Variants in XKR6 observed in about 807,000 individuals in gnomAD.
XKR6 encodes XK related 6.
In XKR6, 22 loss-of-function variants were observed where a neutral mutation model predicts 56.7. That is an observed-to-expected ratio of 0.39 (90% CI 0.28 to 0.55). The LOEUF is 0.55. Among genes scored for constraint, XKR6 ranks in the 20% least tolerant of loss-of-function variants. The pLI, the probability that XKR6 is intolerant of heterozygous loss-of-function variation, is 0.66. For missense variants in XKR6, 852 were observed against 889.0 expected (o/e 0.96, Z 0.53); for synonymous variants, 524 against 387.8 (o/e 1.35, Z -4.13).
At chr8:11,044,667 G>A (rs1439075697) in intron 1 of XKR6, among the ~76,000 whole-genome samples, 1 of 150,720 alleles carries the variant, frequency 6.6e-6, no homozygotes, top group Non-Finnish European at 1.5e-5. Context: ...CACCTAGGCT[G>A]GAGTGCAATA....
chr8:11,037,439 G>A (rs1324716754), intron 1 of XKR6, among the ~76,000 whole-genome samples: 1 of 152,154 alleles, frequency 6.6e-6, no homozygotes, highest in African/African-American at 2.4e-5. Flanking sequence ...TGTCCAGGCT[G>A]GTCTCCAATT....
At chr8:11,003,646 T>C (rs1335132931) in intron 1 of XKR6, among the ~76,000 whole-genome samples, 1 of 152,224 alleles carries the variant, frequency 6.6e-6, no homozygotes, top group Admixed American at 6.5e-5. Flanking sequence ...AAAGTGAGGC[T>C]CAGAGAAGCC....
chr8:11,200,683 G>A lies in XKR6; in HGVS notation c.657C>T (p.Gly219=). 1 of 1,566,578 alleles carries A rather than the reference G, an allele frequency of 6.4e-7. No individual in the cohort carries two copies. Among genetic ancestry groups the A allele is most frequent in the Non-Finnish European group, 8.6e-7 (1 of 1,165,390 alleles). Residue 219 remains glycine, a synonymous_variant, in exon 1 of 3, where the codon GGC becomes GGT. Coordinates refer to ENST00000416569, the MANE Select transcript of XKR6 (RefSeq NM_173683.4). This position sits in a 1 kb window ranked among gnomAD's most constrained non-coding sequence, Gnocchi z 6.4. The part of the protein sequence containing the change: ...AGYVHGAARG[G]PGVRVSPTPG... ...GCGTGGGGGAGACCCTCACGCCTGG[G>A]CCACCGCGGGCCGCGCCGTGGACGT...
Position 10,999,142 on chromosome 8 carries a change from A to C in XKR6, c.765-74312T>G, listed in dbSNP as rs144367806. ...TTTCAAATCCATCAAGCATGCATTA[A>C]TATCAGGACAGGGATTTCAGTCCTA... On this transcript the variant is annotated intron_variant, in intron 1 of 2. Transcript: ENST00000416569. 4.4e-3 allele frequency among the ~76,000 whole-genome samples: 666 copies of C among 152,356 alleles called. 3 individuals are homozygous for C. Among genetic ancestry groups the C allele is most frequent in the African/African-American group, 0.015 (624 of 41,584 alleles).
intron 1 of XKR6, among the ~76,000 whole-genome samples, chr8:11,146,252 G>A (rs538340925): frequency 2.6e-5 from 4 of 152,302 alleles, no homozygotes; most frequent in Non-Finnish European, 5.9e-5. Flanking sequence ...ACAGGTAGAA[G>A]AAAATTATAG....
At chr8:11,035,317 G>A in intron 1 of XKR6, 1 of 534,808 alleles carries the variant, frequency 1.9e-6, no homozygotes, top group Non-Finnish European at 3.8e-6. Context: ...TTCCTGCGTT[G>A]TGGCAGCTTG....
intron 1 of XKR6, among the ~76,000 whole-genome samples, chr8:11,145,425 C>T (rs1021848189): frequency 7.2e-5 from 11 of 152,202 alleles, no homozygotes; most frequent in Non-Finnish European, 1.5e-4. Context: ...CATCAAAGTA[C>T]ATTGTTATAA....
intron 1 of XKR6, among the ~76,000 whole-genome samples, chr8:11,113,446 T>G (rs999693757): frequency 2.0e-5 from 3 of 152,204 alleles, no homozygotes; most frequent in Non-Finnish European, 4.4e-5. Flanking sequence ...AACCAAAAAA[T>G]ATATTTGAAC....
chr8:10,925,034 A>C (rs1047646836), intron 1 of XKR6, among the ~76,000 whole-genome samples: 9 of 152,126 alleles, frequency 5.9e-5, no homozygotes, highest in African/African-American at 2.2e-4. Flanking sequence ...GGGGCAGGTC[A>C]GGAAAGGATT....
At chr8:11,065,301 T>C (rs773334709) in intron 1 of XKR6, among the ~76,000 whole-genome samples, 2 of 152,236 alleles carry the variant, frequency 1.3e-5, no homozygotes, top group Non-Finnish European at 2.9e-5. Flanking sequence ...TGAGAGGAAG[T>C]TGTCTTATGG....
At chr8:11,156,165 C>T (rs1031179153) in intron 1 of XKR6, among the ~76,000 whole-genome samples, 3 of 152,350 alleles carry the variant, frequency 2.0e-5, no homozygotes, top group Admixed American at 6.5e-5. Context: ...TCCCTCTTCA[C>T]CTTTTACTGT....
At chr8:10,985,490 C>T (rs544070749) in intron 1 of XKR6, among the ~76,000 whole-genome samples, 37 of 151,908 alleles carry the variant, frequency 2.4e-4, no homozygotes, top group East Asian at 1.4e-3. Context: ...AATTCTAAAG[C>T]TTGTTCCCTT....
chr8:11,080,467 T>A (rs1200069827), intron 1 of XKR6, among the ~76,000 whole-genome samples: 5 of 152,232 alleles, frequency 3.3e-5, no homozygotes, highest in Admixed American at 2.6e-4. Flanking sequence ...GAAATTTAAC[T>A]ATTTATCTAT....
At chr8:11,071,480 C>A (rs1464096010) in intron 1 of XKR6, among the ~76,000 whole-genome samples, 2 of 85,258 alleles carry the variant, frequency 2.3e-5, no homozygotes, top group African/African-American at 5.4e-5. Flanking sequence ...AGCCCCGAGT[C>A]CATGAGCCCC....
At chr8:11,135,583 G>C (rs897297935) in intron 1 of XKR6, among the ~76,000 whole-genome samples, 1 of 152,038 alleles carries the variant, frequency 6.6e-6, no homozygotes, top group Non-Finnish European at 1.5e-5. Context: ...GCTGTTATCA[G>C]ATATTAAACT....
chr8:11,197,260 G>C (rs1563213533), intron 1 of XKR6, among the ~76,000 whole-genome samples: 1 of 152,212 alleles, frequency 6.6e-6, no homozygotes, highest in Non-Finnish European at 1.5e-5. Context: ...TTAAATGGGA[G>C]ATTAATGATG....
At chr8:11,054,694 T>G (rs1799637124) in intron 1 of XKR6, among the ~76,000 whole-genome samples, 1 of 152,162 alleles carries the variant, frequency 6.6e-6, no homozygotes, top group Admixed American at 6.5e-5. Context: ...CCCAGAACAG[T>G]TGCCTATTCT....
chr8:11,154,086 G>C (rs1801389944), intron 1 of XKR6, among the ~76,000 whole-genome samples: 1 of 152,200 alleles, frequency 6.6e-6, no homozygotes, highest in South Asian at 2.1e-4. Flanking sequence ...CGGCTAGTGG[G>C]AGGTAATCTG....
intron 1 of XKR6, among the ~76,000 whole-genome samples, chr8:11,167,233 C>T (rs139518512): frequency 6.6e-6 from 1 of 152,206 alleles, no homozygotes; most frequent in Non-Finnish European, 1.5e-5. Flanking sequence ...CAGCAACCAA[C>T]TGAACACTGA....
Sources: gnomAD v4.1 joint callset for allele counts (sites outside exome capture counted in the v4.1 genomes callset) on GRCh38, gnomAD v4.1.1 for gene constraint, Gnocchi (gnomAD v3.1) non-coding constraint, MANE v1.5 for transcripts, NCBI Gene and HGNC (gene_info 2026-07-23, HGNC 2026-07-21) for gene names.